Variants in GSG1 observed in about 807,000 individuals in gnomAD.
GSG1 encodes the protein germ cell-specific gene 1 protein.
GSG1 carries 28 observed loss-of-function variants against 30.8 expected under a neutral mutation model. The ratio of observed to expected loss-of-function variants is 0.91; its 90% CI spans 0.67 to 1.25. The LOEUF (loss-of-function observed/expected upper bound fraction) is 1.25. GSG1 is among the 50% of genes most tolerant of loss of function. GSG1 has a pLI of 0.00. For synonymous variants in GSG1, 162 were observed against 178.0 expected, an observed-to-expected ratio of 0.91 and a Z score of 0.71; for missense variants, 435 against 444.7, an observed-to-expected ratio of 0.98 and a Z score of 0.20.
intron 1 of GSG1, among the ~76,000 whole-genome samples, chr12:13,102,015 C>T (rs1394817002): frequency 6.6e-6 from 1 of 152,124 alleles, no homozygotes; most frequent in South Asian, 2.1e-4. Flanking sequence ...TAAGCAGAAA[C>T]GAAGGGGAAG....
In GSG1 at chr12:13,087,676, A is replaced by G. The variant is rs75778427; in HGVS notation, c.634+231T>C. Among the ~76,000 whole-genome samples, 20 of 152,374 alleles carry G rather than the reference A, an allele frequency of 1.3e-4. No individual in the cohort carries two copies. The East Asian group carries it at 3.9e-3, about 29-fold the overall frequency. The stretch of plus-strand genomic sequence containing the variant: ...GTAACCCAAACAATAGATTTTACAT[A>G]TTGAGAAAGCTTGCAAATAAAGGAA... On this transcript the variant is annotated intron_variant, in intron 5 of 6. Transcript: ENST00000651961.
Position 13,101,696 on chromosome 12 carries a change from C to T in GSG1, c.48+1769G>A, listed in dbSNP as rs1486807334. Among the ~76,000 whole-genome samples, 1 of 152,216 alleles carries T rather than the reference C, an allele frequency of 6.6e-6. No homozygotes were observed. Among genetic ancestry groups the T allele is most frequent in the Non-Finnish European group, 1.5e-5 (1 of 68,022 alleles). On this transcript the variant is annotated intron_variant, in intron 1 of 6. Transcript: ENST00000651961. This position sits in a 1 kb window ranked among gnomAD's most constrained non-coding sequence, Gnocchi z 5.8. ...CGGTGGGCCAGGGCTCGGGATGTGTCGAGCTGCTGGAGTCCAAAGTCAGGC... is the reference window on the plus strand; with the variant it reads ...CGGTGGGCCAGGGCTCGGGATGTGTTGAGCTGCTGGAGTCCAAAGTCAGGC...
At chr12:13,095,731 C>T in intron 1 of GSG1, 4 of 1,561,252 alleles carry the variant, frequency 2.6e-6, no homozygotes, top group Admixed American at 3.8e-5. Context: ...TCCTACCCCT[C>T]CCCTTCTATC....
intron 1 of GSG1, 70 bp from the exon 2 acceptor site, chr12:13,090,888 T>C: frequency 7.5e-7 from 1 of 1,326,198 alleles, no homozygotes; most frequent in Non-Finnish European, 1.1e-6. Context: ...CTCGGAGATG[T>C]GGCCATCCTT....
chr12:13,090,878 C>T (rs549393122), intron 1 of GSG1, 60 bp from the exon 2 acceptor site: 42 of 1,437,242 alleles, frequency 2.9e-5, no homozygotes, highest in Non-Finnish European at 3.6e-5. Flanking sequence ...TCAGAGCCGC[C>T]TCGGAGATGT....
chr12:13,103,422 T>C (rs1227604892), intron 1 of GSG1, 43 bp downstream of exon 1: 2 of 1,374,392 alleles, frequency 1.5e-6, no homozygotes, highest in Admixed American at 1.7e-5. Context: ...AGTAAAGATA[T>C]GTGTATGAGA....
chr12:13,096,435 C>A (rs530094941), intron 1 of GSG1, among the ~76,000 whole-genome samples: 5 of 145,848 alleles, frequency 3.4e-5, no homozygotes, highest in Non-Finnish European at 7.4e-5. Flanking sequence ...GACTGCGCCA[C>A]TGCACTCCAG....
In GSG1 at chr12:13,087,176, A is replaced by G. The variant is rs935895428; in HGVS notation, c.722T>C (p.Val241Ala). 6.2e-6 allele frequency: 10 copies of G among 1,613,586 alleles called. No individual in the cohort carries two copies. Among genetic ancestry groups the G allele is most frequent in the Non-Finnish European group, 8.5e-6 (10 of 1,179,646 alleles). The change falls in exon 6 of 7, where the codon GTT becomes GCT. Residue 241 changes from valine (V) to alanine (A), a missense_variant. Val to Ala is a moderately conservative substitution (Grantham distance 64). Coordinates refer to ENST00000651961, the MANE Select transcript of GSG1 (RefSeq NM_001080555.4). ...CTAGAAGGCCCAGCCATAATTCCAA[A>G]CATGTGGTCTCCAGTCTTCTGGACC... ...NLGPEDWRPH[V>A]WNYGWAFYMA...
At position 13,093,546 on chromosome 12, in the gene GSG1, G is replaced by A. The variant is rs1279029318; in HGVS notation, c.49-2728C>T. The stretch of plus-strand genomic sequence containing the variant: ...GGGGCTTATGGTTCTGGGAGAGGTA[G>A]CAGTCGGGCCCAGCTTCCATCCACT... On this transcript the variant is annotated intron_variant, in intron 1 of 6. Transcript: ENST00000651961. The surrounding 1 kb of genome is among the most constrained non-coding windows in gnomAD (Gnocchi z 4.6). Among the ~76,000 whole-genome samples, 1 of 152,184 alleles carries A rather than the reference G, an allele frequency of 6.6e-6. No individual in the cohort carries two copies. The highest frequency in any genetic ancestry group is 6.5e-5 in the Admixed American group (1 of 15,292).
At position 13,103,534 on chromosome 12, in the gene GSG1, A is replaced by G; in HGVS notation, c.-22T>C. ...TCATTCACTCTTGCAGCGGGAAGGC[A>G]GAGAAGTTTCAGTTTATCTTCTGTT... is the stretch of plus-strand genomic sequence containing the variant. On this transcript the variant is annotated 5_prime_UTR_variant, in exon 1 of 7. Transcript: ENST00000651961. The G allele has an allele frequency of 6.2e-7, 1 of 1,613,924 alleles. No individual in the cohort carries two copies. The highest frequency in any genetic ancestry group is 8.5e-7 in the Non-Finnish European group (1 of 1,179,782).
At chr12:13,087,822 T>C in intron 5 of GSG1, 85 bp downstream of exon 5, 1 of 1,438,992 alleles carries the variant, frequency 6.9e-7, no homozygotes, top group Non-Finnish European at 9.3e-7. Context: ...GCTCCTCCCC[T>C]TCAGGGCAAA....
At chr12:13,086,704 A>C (rs867061821) in intron 6 of GSG1, among the ~76,000 whole-genome samples, 1 of 152,054 alleles carries the variant, frequency 6.6e-6, no homozygotes, top group South Asian at 2.1e-4. Context: ...TATAGAAGGA[A>C]GTGAAGAGGA....
intron 1 of GSG1, among the ~76,000 whole-genome samples, chr12:13,099,695 C>T (rs1863005177): frequency 6.6e-6 from 1 of 151,270 alleles, no homozygotes; most frequent in Non-Finnish European, 1.5e-5. Context: ...GGTTATATAC[C>T]ACACCACTTC....
chr12:13,090,480 T>C, intron 2 of GSG1, 23 bp downstream of exon 2: 1 of 1,592,584 alleles, frequency 6.3e-7, no homozygotes, highest in Non-Finnish European at 8.6e-7. Flanking sequence ...CCCGTTGCTC[T>C]TATATCCCAG....
At chr12:13,087,078 G>A in intron 6 of GSG1, 74 bp downstream of exon 6, 1 of 937,916 alleles carries the variant, frequency 1.1e-6, no homozygotes, top group Non-Finnish European at 1.7e-6. Context: ...CACCGAATAA[G>A]CATCTAGCTG....
At position 13,084,971 on chromosome 12, in the gene GSG1, C is replaced by T; in HGVS notation, c.1019G>A (p.Gly340Glu). ...VDFYSELRNK[G>E]FQRGASQELK... is the part of the protein sequence containing the mutation. ...CTCCTGGCTGGCCCCTCTTTGAAAT[C>T]CCTTGTTCCGCAGCTCGGAGTAGAA... The change falls in exon 7 of 7, where the codon GGA (glycine) becomes GAA (glutamate). Residue 340 changes from glycine (G) to glutamate (E), a missense_variant. Gly to Glu is a moderately conservative substitution (Grantham distance 98). Transcript: ENST00000651961. The T allele has an allele frequency of 6.4e-7, 1 of 1,552,034 alleles. No homozygotes were observed. Among genetic ancestry groups the T allele is most frequent in the Middle Eastern group, 1.7e-4 (1 of 5,992 alleles).
rs890331879 is a variant in GSG1 at position 13,085,904 on chromosome 12, G to T, written c.747-661C>A. ...GCTTAAGGGAGTTTGTAATGGGTGG[G>T]AGAGGAGCTGGAGATTAAGAGAATG... On this transcript the variant is annotated intron_variant, in intron 6 of 6. Coordinates refer to ENST00000651961, the MANE Select transcript of GSG1 (RefSeq NM_001080555.4). Among the ~76,000 whole-genome samples the T allele has an allele frequency of 2.6e-5, 4 of 152,196 alleles. No homozygotes were observed. The East Asian group carries it at 7.7e-4, about 29-fold the overall frequency.
At chr12:13,088,650 AGAGAAAAGTGG>A in intron 4 of GSG1, 1 of 1,238,110 alleles carries the variant, frequency 8.1e-7, no homozygotes, top group Non-Finnish European at 1.1e-6. Context: ...GGGGCTCAGA[AGAGAAAAGTGG>A]GAGATCACAG....
At position 13,093,246 on chromosome 12, in the gene GSG1, G is replaced by A. The variant is rs2120826197; in HGVS notation, c.49-2428C>T. Among the ~76,000 whole-genome samples the A allele has an allele frequency of 6.6e-6, 1 of 152,210 alleles. No homozygotes were observed. The highest frequency in any genetic ancestry group is 2.1e-4 in the South Asian group (1 of 4,824). ...ATATAAAAGTTTAGAAAAAAGAATT[G>A]GGAGCATTCCAAATGCTCTTTGTGA... is the stretch of plus-strand genomic sequence containing the variant. On this transcript the variant is annotated intron_variant, in intron 1 of 6. Coordinates refer to ENST00000651961, the MANE Select transcript of GSG1 (RefSeq NM_001080555.4). The surrounding 1 kb of genome is among the most constrained non-coding windows in gnomAD (Gnocchi z 4.6).
Sources: allele counts gnomAD v4.1 joint callset (sites outside exome capture counted in the v4.1 genomes callset), GRCh38; gene constraint gnomAD v4.1.1; non-coding constraint Gnocchi (gnomAD v3.1); transcripts MANE v1.5; gene names NCBI Gene and HGNC (gene_info 2026-07-23, HGNC 2026-07-21).